The following MFF variants were observed in gnomAD, a reference collection of about 807,000 sequenced individuals.
MFF encodes chromosome 2 open reading frame 33.
In MFF, 12 loss-of-function variants were observed where a neutral mutation model predicts 36.9. That is an observed-to-expected ratio of 0.33 (90% CI 0.21 to 0.53). The LOEUF (loss-of-function observed/expected upper bound fraction) is 0.53. Ranked by LOEUF, MFF falls within the 20% of genes least tolerant of loss-of-function variation. The pLI, the probability that MFF is intolerant of heterozygous loss-of-function variation, is 0.95. For synonymous variants in MFF, 99 were observed against 126.2 expected (o/e 0.78, Z 1.44); for missense variants, 348 against 366.6 (o/e 0.95, Z 0.42).
At chr2:227,329,847 T>A (rs753536223) in intron 2 of MFF, 15 of 1,146,554 alleles carry the variant, frequency 1.3e-5, no homozygotes, top group Non-Finnish European at 1.8e-5. Context: ...CTTTAAAGCT[T>A]ACTGCCGTAG....
In MFF at chr2:227,352,570, T is replaced by A. The variant is rs2076053930; in HGVS notation, c.656T>A (p.Val219Asp). 1 of 1,613,512 alleles carries A rather than the reference T, an allele frequency of 6.2e-7. No homozygotes were observed. The highest frequency in any genetic ancestry group is 1.1e-5 in the South Asian group (1 of 91,068). The change falls in exon 7 of 9, where the codon GTC becomes GAC. Residue 219 changes from valine to aspartate, a missense_variant. Coordinates refer to ENST00000304593, the MANE Select transcript of MFF (RefSeq NM_001277062.2). ...AATSNPHHDNVRYGISNIDTT... is the reference protein window; with the variant it reads ...AATSNPHHDNDRYGISNIDTT... ...ACTTCTAATCCTCATCATGACAACGTCAGGTAAATTTTGAGACTTCGTAAT... is the reference window on the plus strand; with the variant it reads ...ACTTCTAATCCTCATCATGACAACGACAGGTAAATTTTGAGACTTCGTAAT...
chr2:227,332,487 C>A lies in MFF; in HGVS notation c.250C>A (p.Pro84Thr). The A allele has an allele frequency of 6.2e-7, 1 of 1,613,612 alleles. No homozygotes were observed. Among genetic ancestry groups the A allele is most frequent in the South Asian group, 1.1e-5 (1 of 91,012 alleles). The change falls in exon 4 of 9, where the codon CCC becomes ACC. Residue 84 changes from proline to threonine, a missense_variant. Pro to Thr is a conservative substitution (Grantham distance 38, BLOSUM62 -1). Coordinates refer to ENST00000304593, the MANE Select transcript of MFF (RefSeq NM_001277062.2). ...CCTTATTCAGTCAACTCCCTTTAAA[C>A]CCCTGGCACTGAAAACACCACCTCG... ...LDLIQSTPFKPLALKTPPRVL... is the reference protein window; with the variant it reads ...LDLIQSTPFKTLALKTPPRVL...
intron 6 of MFF, among the ~76,000 whole-genome samples, chr2:227,349,697 T>C (rs534513551): frequency 6.6e-6 from 1 of 152,248 alleles, no homozygotes; most frequent in South Asian, 2.1e-4. Context: ...TTTATTTCCT[T>C]TGTGAGAAGT....
chr2:227,338,814 G>A (rs888432034), intron 4 of MFF, among the ~76,000 whole-genome samples: 2 of 149,372 alleles, frequency 1.3e-5, no homozygotes, highest in Admixed American at 6.7e-5. Context: ...CAGCCTGGGC[G>A]ACAGAACAAG....
chr2:227,334,704 T>G (rs1574912964), intron 4 of MFF, among the ~76,000 whole-genome samples: 1 of 152,300 alleles, frequency 6.6e-6, no homozygotes, highest in Middle Eastern at 3.4e-3. Flanking sequence ...GTAGAATGTT[T>G]GCAACATTTG....
chr2:227,340,727 C>G (rs76718334), intron 5 of MFF, among the ~76,000 whole-genome samples: 1 of 151,912 alleles, frequency 6.6e-6, no homozygotes, highest in African/African-American at 2.4e-5. Flanking sequence ...TTCTCCCTTA[C>G]GATTCATTGA....
chr2:227,347,185 T>G (rs1285137160), intron 5 of MFF, 41 bp from the exon 6 acceptor site: 2 of 1,581,734 alleles, frequency 1.3e-6, no homozygotes, highest in Non-Finnish European at 8.7e-7. Flanking sequence ...AAAATCTGAC[T>G]TGAGTGTTTT....
chr2:227,325,428 G>C lies in MFF; in HGVS notation c.-153+1G>C, dbSNP rs552813402. ...CCGGGACCCTCCTGTGGGCCCAGGG[G>C]TGAGTGTTGACGTCTTCCCGACCCG... On this transcript the variant is annotated splice_donor_variant, in intron 1 of 8. Coordinates refer to ENST00000304593, the MANE Select transcript of MFF (RefSeq NM_001277062.2). LOFTEE classifies it low-confidence loss of function (5UTR_SPLICE). The C allele has an allele frequency of 7.2e-5, 11 of 152,222 alleles. No homozygotes were observed. Among genetic ancestry groups the C allele is most frequent in the African/African-American group, 2.4e-4 (10 of 41,334 alleles). The allele number at this position is 152,222 out of a possible 1,614,324, so 9.4% of individuals were successfully genotyped here.
chr2:227,329,949 A>G (rs2074454650), intron 2 of MFF: 1 of 509,076 alleles, frequency 2.0e-6, no homozygotes, highest in Non-Finnish European at 3.5e-6. Flanking sequence ...TGTAAATATG[A>G]TATTAAATAC....
At chr2:227,333,095 C>T (rs377319421) in intron 4 of MFF, among the ~76,000 whole-genome samples, 1 of 152,232 alleles carries the variant, frequency 6.6e-6, no homozygotes, top group Non-Finnish European at 1.5e-5. Context: ...GAGTTCGAAT[C>T]CTGCCTTTGT....
At position 227,357,284 on chromosome 2, in the gene MFF, G is replaced by T. The variant is rs7603157; in HGVS notation, c.*167G>T. 7 of 679,024 alleles carry T rather than the reference G, an allele frequency of 1.0e-5. No individual in the cohort carries two copies. The highest frequency in any genetic ancestry group is 1.6e-5 in the Non-Finnish European group (7 of 424,364). The allele number at this position is 679,024 out of a possible 1,614,324, so 42.1% of individuals were successfully genotyped here. ...AAGGACCTATATTTGTAGAAGTAAAGGTATATTCTGTCACTCAGCTGTATT... is the reference window on the plus strand; with the variant it reads ...AAGGACCTATATTTGTAGAAGTAAATGTATATTCTGTCACTCAGCTGTATT... On this transcript the variant is annotated 3_prime_UTR_variant, in exon 9 of 9. Coordinates refer to ENST00000304593, the MANE Select transcript of MFF (RefSeq NM_001277062.2).
chr2:227,333,598 G>C (rs960954427), intron 4 of MFF, among the ~76,000 whole-genome samples: 2 of 152,146 alleles, frequency 1.3e-5, no homozygotes, highest in Admixed American at 1.3e-4. Flanking sequence ...GTTTCAGCAG[G>C]ACAATGATAT....
chr2:227,347,811 C>T (rs1199998406), intron 6 of MFF, among the ~76,000 whole-genome samples: 7 of 152,210 alleles, frequency 4.6e-5, no homozygotes, highest in Admixed American at 3.3e-4. Context: ...GATGTCAGCG[C>T]AGCTGCCAGG....
At chr2:227,336,366 AC>A (rs1309882310) in intron 4 of MFF, among the ~76,000 whole-genome samples, 1 of 152,250 alleles carries the variant, frequency 6.6e-6, no homozygotes, top group Non-Finnish European at 1.5e-5. Flanking sequence ...GGCATCTCTT[AC>A]TTCAAAGAGG....
chr2:227,335,263 A>G (rs561952418), intron 4 of MFF, among the ~76,000 whole-genome samples: 9 of 152,258 alleles, frequency 5.9e-5, no homozygotes, highest in African/African-American at 1.9e-4. Context: ...CAAAGGCCAT[A>G]TATTGCATTT....
At chr2:227,333,027 C>A (rs1473377187) in intron 4 of MFF, among the ~76,000 whole-genome samples, 1 of 152,230 alleles carries the variant, frequency 6.6e-6, no homozygotes, top group African/African-American at 2.4e-5. Flanking sequence ...TACTGCATCA[C>A]GTTAATGTGC....
At chr2:227,344,415 A>G (rs927015789) in intron 5 of MFF, among the ~76,000 whole-genome samples, 2 of 152,232 alleles carry the variant, frequency 1.3e-5, no homozygotes, top group Admixed American at 6.5e-5. Flanking sequence ...GGTTGGGTCC[A>G]TGAGTGGACG....
At chr2:227,338,702 C>T (rs2075192232) in intron 4 of MFF, among the ~76,000 whole-genome samples, 1 of 151,430 alleles carries the variant, frequency 6.6e-6, no homozygotes, top group South Asian at 2.1e-4. Context: ...TGGTGGCACA[C>T]ACCTGTAATC....
intron 1 of MFF, among the ~76,000 whole-genome samples, 199 bp from the exon 2 acceptor site, chr2:227,328,479 A>G (rs564207104): frequency 6.6e-6 from 1 of 152,280 alleles, no homozygotes; most frequent in South Asian, 2.1e-4. Context: ...TGCCTTAACT[A>G]ATGAATAGTT....
Sources: allele counts gnomAD v4.1 joint callset (sites outside exome capture counted in the v4.1 genomes callset), GRCh38; gene constraint gnomAD v4.1.1; transcripts MANE v1.5; gene names NCBI Gene and HGNC (gene_info 2026-07-23, HGNC 2026-07-21).